The following SUGCT variants were observed in gnomAD, a reference collection of about 807,000 sequenced individuals.
SUGCT encodes the protein succinyl-CoA:glutarate CoA-transferase.
SUGCT carries 41 observed loss-of-function variants against 55.0 expected under a neutral mutation model. The observed-to-expected ratio is 0.74, with a 90% confidence interval of 0.58 to 0.97. The LOEUF (loss-of-function observed/expected upper bound fraction) is 0.97, where lower values mean the gene tolerates loss of function less well. Ranked by LOEUF, SUGCT falls within the 50% of genes least tolerant of loss-of-function variation. The probability of loss-of-function intolerance (pLI) is 0.00; values close to 1 mark genes in which losing one functional copy is unlikely to be tolerated. For missense variants in SUGCT, 568 were observed against 547.8 expected, an observed-to-expected ratio of 1.04 and a Z score of -0.37; for synonymous variants, 187 against 200.4, an observed-to-expected ratio of 0.93 and a Z score of 0.56.
At chr7:40,909,149 A>G in the SUGCT span, among the ~76,000 whole-genome samples, 11 of 152,158 alleles carry the variant, frequency 7.2e-5, no homozygotes, top group African/African-American at 2.7e-4. Flanking sequence ...TGGAGACCCA[A>G]TCTGTTGTGG....
At chr7:40,849,370 C>G (rs1793738296) in intron 13 of SUGCT, among the ~76,000 whole-genome samples, 1 of 152,072 alleles carries the variant, frequency 6.6e-6, no homozygotes, top group Non-Finnish European at 1.5e-5. Flanking sequence ...TGATCAATTG[C>G]CAGTGACCTG....
chr7:40,386,645 A>G (rs895636775), intron 9 of SUGCT, among the ~76,000 whole-genome samples: 1 of 152,136 alleles, frequency 6.6e-6, no homozygotes, highest in Non-Finnish European at 1.5e-5. Flanking sequence ...CTACCTTTCC[A>G]AAGTTCCTTA....
At chr7:40,321,987 T>C (rs189982663) in intron 9 of SUGCT, among the ~76,000 whole-genome samples, 5 of 152,336 alleles carry the variant, frequency 3.3e-5, no homozygotes, top group East Asian at 3.9e-4. Context: ...TTCTATTTTT[T>C]AGTTCTTTGA....
intron 11 of SUGCT, among the ~76,000 whole-genome samples, chr7:40,479,580 T>C (rs955850653): frequency 1.3e-5 from 2 of 152,182 alleles, no homozygotes; most frequent in African/African-American, 4.8e-5. Flanking sequence ...AAAGTAGTTC[T>C]ATTTCTAATG....
the SUGCT span, among the ~76,000 whole-genome samples, chr7:40,929,165 C>G: frequency 2.5e-4 from 38 of 151,648 alleles, no homozygotes; most frequent in East Asian, 7.2e-3. Flanking sequence ...TGAGTGAGAA[C>G]ATGCGGTGTT....
intron 12 of SUGCT, among the ~76,000 whole-genome samples, chr7:40,508,790 C>T (rs925586161): frequency 2.6e-5 from 4 of 152,156 alleles, no homozygotes; most frequent in African/African-American, 9.7e-5. Flanking sequence ...GCACACTTTA[C>T]CCTGCCTCTT....
intron 12 of SUGCT, among the ~76,000 whole-genome samples, chr7:40,585,073 T>C (rs1183227222): frequency 6.6e-6 from 1 of 152,230 alleles, no homozygotes; most frequent in African/African-American, 2.4e-5. Flanking sequence ...GAAATTGGAA[T>C]GATCCCATCA....
At chr7:40,890,858 CTAAT>C in the SUGCT span, among the ~76,000 whole-genome samples, 47 of 152,232 alleles carry the variant, frequency 3.1e-4, no homozygotes, top group Non-Finnish European at 5.9e-4. Flanking sequence ...AGGATTCAAA[CTAAT>C]TGTCTTAAAG....
rs766201586 is a variant in SUGCT at position 40,193,967 on chromosome 7, TTGTAAAATTTC to T, written c.364-963_364-953del. Among the ~76,000 whole-genome samples, 834 of 152,258 alleles carry T rather than the reference TTGTAAAATTTC, an allele frequency of 5.5e-3. 9 individuals carry two copies. The highest frequency in any genetic ancestry group is 0.019 in the African/African-American group (805 of 41,548). ...TTTGGGAAAAAAATTTCCCAATTTT[TTGTAAAATTTC>T]TGTAAAATTAAGGTTTACAATGCTG... On this transcript the variant is annotated intron_variant, in intron 5 of 13. Coordinates refer to ENST00000335693, the MANE Select transcript of SUGCT (RefSeq NM_001193313.2).
At chr7:40,600,505 G>T (rs554967613) in intron 12 of SUGCT, among the ~76,000 whole-genome samples, 3 of 152,132 alleles carry the variant, frequency 2.0e-5, no homozygotes, top group Non-Finnish European at 2.9e-5. Flanking sequence ...TTAATCTCCA[G>T]GGCTTTCACA....
intron 13 of SUGCT, among the ~76,000 whole-genome samples, chr7:40,817,884 G>A (rs1466638745): frequency 6.6e-6 from 1 of 152,210 alleles, no homozygotes; most frequent in East Asian, 1.9e-4. Context: ...GAAGGAGGTA[G>A]TGATCTGCAG....
intron 9 of SUGCT, 40 bp downstream of exon 9, chr7:40,316,895 G>A: frequency 4.0e-6 from 4 of 1,004,760 alleles, no homozygotes; most frequent in Non-Finnish European, 5.5e-6. Context: ...GTTGTAATTT[G>A]CAGTTTTATA....
intron 12 of SUGCT, among the ~76,000 whole-genome samples, chr7:40,561,125 C>T (rs1795812967): frequency 6.6e-6 from 1 of 152,174 alleles, no homozygotes; most frequent in Non-Finnish European, 1.5e-5. Context: ...TTCAGAAATT[C>T]CTTACGAGTG....
intron 8 of SUGCT, among the ~76,000 whole-genome samples, chr7:40,295,444 C>T (rs1452679633): frequency 2.6e-5 from 4 of 152,082 alleles, no homozygotes; most frequent in Non-Finnish European, 2.9e-5. Flanking sequence ...GGCATGGTGG[C>T]GCACGCCTGT....
intron 13 of SUGCT, among the ~76,000 whole-genome samples, chr7:40,848,846 TA>T (rs1321853688): frequency 6.6e-6 from 1 of 152,210 alleles, no homozygotes; most frequent in African/African-American, 2.4e-5. Flanking sequence ...GCTAGTTAAA[TA>T]GCTTTCTCTG....
the SUGCT span, among the ~76,000 whole-genome samples, chr7:40,876,683 A>C: frequency 6.6e-6 from 1 of 152,178 alleles, no homozygotes; most frequent in Non-Finnish European, 1.5e-5. Context: ...GAGGCTCTCC[A>C]AATTCTTCCT....
intron 9 of SUGCT, among the ~76,000 whole-genome samples, chr7:40,337,846 G>A (rs931286539): frequency 3.9e-5 from 6 of 152,050 alleles, no homozygotes; most frequent in African/African-American, 1.2e-4. Flanking sequence ...CCTAGCCTCG[G>A]TGGTCTTTAC....
rs753739815 is a variant in SUGCT, at chr7:40,860,447, G to C, written c.1285G>C (p.Ala429Pro). 3 of 1,613,524 alleles carry C rather than the reference G, an allele frequency of 1.9e-6. No homozygotes were observed. Among genetic ancestry groups the C allele is most frequent in the Non-Finnish European group, 2.5e-6 (3 of 1,179,548 alleles). The change falls in exon 14 of 14, where the codon GCT (alanine) becomes CCT (proline). Residue 429 changes from alanine to proline, a missense_variant. Transcript: ENST00000335693. ...CAGGGCCATCGGGGAGCTGCTCAGC[G>C]CTGGAGTGGTGGACCAACATGAAAC... ...DDRAIGELLSAGVVDQHETH is the reference protein window; with the variant it reads ...DDRAIGELLSPGVVDQHETH
intron 12 of SUGCT, among the ~76,000 whole-genome samples, chr7:40,609,464 G>T (rs976787202): frequency 6.6e-6 from 1 of 151,500 alleles, no homozygotes; most frequent in African/African-American, 2.4e-5. Flanking sequence ...CTACTTGGGA[G>T]GCTGAGGCAG....
Sources: allele counts gnomAD v4.1 joint callset (sites outside exome capture counted in the v4.1 genomes callset), GRCh38; gene constraint gnomAD v4.1.1; transcripts MANE v1.5; gene names NCBI Gene and HGNC (gene_info 2026-07-23, HGNC 2026-07-21).